Variants in ARSG observed in about 807,000 individuals in gnomAD.
The protein encoded by ARSG is arylsulfatase G.
In ARSG, 37 loss-of-function variants were observed where a neutral mutation model predicts 50.5. The ratio of observed to expected loss-of-function variants is 0.73; its 90% CI spans 0.56 to 0.96. The LOEUF (loss-of-function observed/expected upper bound fraction) is 0.96, where lower values mean the gene tolerates loss of function less well. Among genes scored for constraint, ARSG ranks in the 50% least tolerant of loss-of-function variants. The probability of loss-of-function intolerance (pLI) is 0.00; values close to 1 mark genes in which losing one functional copy is unlikely to be tolerated. For missense variants in ARSG, 629 were observed against 675.3 expected (o/e 0.93, Z 0.76); for synonymous variants, 225 against 254.6 (o/e 0.88, Z 1.11).
the ARSG span, among the ~76,000 whole-genome samples, chr17:68,437,929 G>C: frequency 2.8e-5 from 3 of 107,216 alleles, no homozygotes; most frequent in African/African-American, 1.1e-4. Context: ...TTGAGATCAC[G>C]CAAGAGAGAC....
chr17:68,396,047 C>T (rs1407575405), intron 10 of ARSG, among the ~76,000 whole-genome samples: 6 of 146,720 alleles, frequency 4.1e-5, no homozygotes, highest in Admixed American at 6.9e-5. Flanking sequence ...CTTGCTCTGT[C>T]ACCCAGGCTG....
chr17:68,344,910 A>T (rs2078437240), intron 3 of ARSG, among the ~76,000 whole-genome samples: 1 of 152,152 alleles, frequency 6.6e-6, no homozygotes, highest in Non-Finnish European at 1.5e-5. Context: ...TGCCTCTGCT[A>T]TTGGCCCTTT....
At chr17:68,266,353 G>GGAC (rs1442185797) in intron 1 of ARSG, among the ~76,000 whole-genome samples, 2 of 135,230 alleles carry the variant, frequency 1.5e-5, no homozygotes, top group African/African-American at 5.4e-5. Context: ...AAATCGTCCT[G>GGAC]TTTTCAATGA....
chr17:68,332,425 T>C (rs2077817831), intron 2 of ARSG, among the ~76,000 whole-genome samples: 1 of 152,122 alleles, frequency 6.6e-6, no homozygotes, highest in Non-Finnish European at 1.5e-5. Context: ...CATCACAGGG[T>C]CCTGAGGCGA....
rs1314468746 is a variant in ARSG, at chr17:68,307,656, T to C, written c.163T>C (p.Trp55Arg). 6.2e-7 allele frequency: 1 copy of C among 1,612,358 alleles called. No individual in the cohort carries two copies. Among genetic ancestry groups the C allele is most frequent in the Non-Finnish European group, 8.5e-7 (1 of 1,178,564 alleles). The change falls in exon 2 of 12, where the codon TGG becomes CGG. Residue 55 changes from tryptophan to arginine, a missense_variant. Trp to Arg is a moderately radical substitution (Grantham distance 101, BLOSUM62 -3). Coordinates refer to ENST00000621439, the MANE Select transcript of ARSG (RefSeq NM_001267727.2). ...GGGGTGGGGTGACCTGGGAGCAAAC[T>C]GGGCAGAAACAAAGGACACTGCCAA... Reference protein sequence around the residue: ...DMGWGDLGANWAETKDTANLD... With the variant: ...DMGWGDLGANRAETKDTANLD...
the ARSG span, among the ~76,000 whole-genome samples, chr17:68,443,745 T>C: frequency 2.0e-5 from 3 of 152,220 alleles, no homozygotes; most frequent in Non-Finnish European, 2.9e-5. Context: ...TGAAATATAA[T>C]AGAAGCAGTT....
chr17:68,372,045 A>G (rs1197672453), intron 8 of ARSG, among the ~76,000 whole-genome samples: 2 of 152,132 alleles, frequency 1.3e-5, no homozygotes, highest in Non-Finnish European at 2.9e-5. Flanking sequence ...ATAAACTGGT[A>G]TTGTTTGTTT....
chr17:68,446,145 T>A, the ARSG span, among the ~76,000 whole-genome samples: 1 of 152,144 alleles, frequency 6.6e-6, no homozygotes, highest in Non-Finnish European at 1.5e-5. Flanking sequence ...AGGTCATCAG[T>A]GTTAACCAAG....
chr17:68,311,163 A>G (rs2076838581), intron 2 of ARSG, among the ~76,000 whole-genome samples: 1 of 152,168 alleles, frequency 6.6e-6, no homozygotes, highest in Non-Finnish European at 1.5e-5. Context: ...CTCAAAACAA[A>G]CAAACAAAAC....
At chr17:68,388,653 G>C (rs1290306504) in intron 9 of ARSG, among the ~76,000 whole-genome samples, 1 of 152,162 alleles carries the variant, frequency 6.6e-6, no homozygotes, top group Non-Finnish European at 1.5e-5. Flanking sequence ...AAGGCCGGAC[G>C]CAGTGGCTCA....
chr17:68,445,872 A>ATGCCCAAGGAGC, the ARSG span, among the ~76,000 whole-genome samples: 2 of 152,280 alleles, frequency 1.3e-5, no homozygotes, highest in South Asian at 2.1e-4. Flanking sequence ...TTAGACCTGG[A>ATGCCCAAGGAGC]TGCCCAAGGA....
At position 68,307,145 on chromosome 17, in the gene ARSG, G is replaced by C. The variant is rs1483113469; in HGVS notation, c.-349G>C. On this transcript the variant is annotated 5_prime_UTR_variant, in exon 2 of 12. Coordinates refer to ENST00000621439, the MANE Select transcript of ARSG (RefSeq NM_001267727.2). ...ATACAGAAGGGTCACTTTCTTAGTGGCCAAAGAGCAGTTGTTGACATTGAT... is the reference window on the plus strand; with the variant it reads ...ATACAGAAGGGTCACTTTCTTAGTGCCCAAAGAGCAGTTGTTGACATTGAT... The C allele has an allele frequency of 4.2e-6, 1 of 235,646 alleles. No individual in the cohort carries two copies. The highest frequency in any genetic ancestry group is 2.3e-5 in the African/African-American group (1 of 43,524). The allele number at this position is 235,646 out of a possible 1,614,324, so 14.6% of individuals were successfully genotyped here. A position where few individuals can be genotyped will look rare whatever the true frequency, so the allele number is the denominator to read the frequency against.
At chr17:68,440,112 G>A in the ARSG span, among the ~76,000 whole-genome samples, 1 of 152,194 alleles carries the variant, frequency 6.6e-6, no homozygotes, top group Admixed American at 6.5e-5. Context: ...GTGAGGGCAG[G>A]CATACTCTGA....
chr17:68,332,618 G>A (rs1197932769), intron 2 of ARSG, among the ~76,000 whole-genome samples: 1 of 152,244 alleles, frequency 6.6e-6, no homozygotes, highest in East Asian at 1.9e-4. Flanking sequence ...ACTAATAAAT[G>A]TCCATGAAAT....
intron 9 of ARSG, among the ~76,000 whole-genome samples, chr17:68,385,762 G>A (rs899048865): frequency 3.9e-5 from 6 of 152,148 alleles, no homozygotes; most frequent in Non-Finnish European, 7.4e-5. Context: ...CAAGCTGACC[G>A]AGGCAATAGA....
chr17:68,371,634 C>T (rs994133234), intron 8 of ARSG, among the ~76,000 whole-genome samples: 3 of 152,252 alleles, frequency 2.0e-5, no homozygotes, highest in African/African-American at 7.2e-5. Context: ...ATCAATTCCT[C>T]CTGTAAGAAT....
At chr17:68,282,791 A>AG (rs1445769078) in intron 1 of ARSG, among the ~76,000 whole-genome samples, 3 of 147,982 alleles carry the variant, frequency 2.0e-5, no homozygotes, top group Non-Finnish European at 3.0e-5. Flanking sequence ...AAAAAAAAAA[A>AG]AAAAAAAAAG....
chr17:68,361,881 A>T (rs551603221), intron 6 of ARSG, among the ~76,000 whole-genome samples: 1 of 152,036 alleles, frequency 6.6e-6, no homozygotes, highest in African/African-American at 2.4e-5. Context: ...ATGCCATTAC[A>T]CTCCAGCCTG....
chr17:68,297,667 A>G lies in ARSG; in HGVS notation c.-552+6099A>G, dbSNP rs1028210110. 4.6e-5 allele frequency among the ~76,000 whole-genome samples: 7 copies of G among 152,044 alleles called. 1 individual carries two copies. The South Asian group carries it at 1.0e-3, about 23-fold the overall frequency. On this transcript the variant is annotated intron_variant, in intron 1 of 11. Transcript: ENST00000621439. ...TTTCTAATAGAGATGGGGTCTTGCT[A>G]TGTTGCCCAGGTTGGTCTGGAACTC...
Sources: allele counts gnomAD v4.1 joint callset (sites outside exome capture counted in the v4.1 genomes callset), GRCh38; gene constraint gnomAD v4.1.1; transcripts MANE v1.5; gene names NCBI Gene and HGNC (gene_info 2026-07-23, HGNC 2026-07-21).